Variants in DYNC2H1 observed in about 807,000 individuals in gnomAD.
The protein encoded by DYNC2H1 is cytoplasmic dynein 2 heavy chain 1.
In DYNC2H1, 410 loss-of-function variants were observed where a neutral mutation model predicts 570.0. The ratio of observed to expected loss-of-function variants is 0.72; its 90% CI spans 0.66 to 0.78. The LOEUF (loss-of-function observed/expected upper bound fraction) is 0.78. Among genes scored for constraint, DYNC2H1 ranks in the 30% least tolerant of loss-of-function variants. The pLI is 0.00. For synonymous variants in DYNC2H1, 1,688 were observed against 1,677.6 expected, an observed-to-expected ratio of 1.01 and a Z score of -0.15; for missense variants, 4,865 against 5,046.4, an observed-to-expected ratio of 0.96 and a Z score of 1.09.
rs1865579017 is a variant in DYNC2H1, at chr11:103,268,145, T to C, written c.10695+8168T>C. On this transcript the variant is annotated intron_variant, in intron 70 of 88. Transcript: ENST00000375735. The surrounding 1 kb of genome is among the most constrained non-coding windows in gnomAD (Gnocchi z 4.6). ...GGTCCAAGGATTGCTTTATAAATCT[T>C]ATTGAATATTAGCAGATTGCTTTCT... Among the ~76,000 whole-genome samples, 1 of 152,074 alleles carries C rather than the reference T, an allele frequency of 6.6e-6. No individual in the cohort carries two copies. Among genetic ancestry groups the C allele is most frequent in the Non-Finnish European group, 1.5e-5 (1 of 67,936 alleles).
chr11:103,293,255 G>T (rs1021583276), intron 75 of DYNC2H1, among the ~76,000 whole-genome samples: 14 of 152,092 alleles, frequency 9.2e-5, no homozygotes, highest in Middle Eastern at 3.4e-3. Context: ...CTCCCTCATG[G>T]CATGTGAGGG....
At chr11:103,388,572 G>A (rs756224473) in intron 83 of DYNC2H1, among the ~76,000 whole-genome samples, 1 of 152,164 alleles carries the variant, frequency 6.6e-6, no homozygotes, top group Non-Finnish European at 1.5e-5. Context: ...GGGCATCCCT[G>A]TCTTGTGCCA....
intron 65 of DYNC2H1, among the ~76,000 whole-genome samples, chr11:103,248,137 A>G (rs1864689284): frequency 6.6e-6 from 1 of 152,064 alleles, no homozygotes; most frequent in South Asian, 2.1e-4. Flanking sequence ...CAGTTGGTCT[A>G]TAATGGGCTG....
Position 103,201,583 on chromosome 11 carries a change from A to G in DYNC2H1, c.8197+1429A>G, listed in dbSNP as rs1862721694. On this transcript the variant is annotated intron_variant, in intron 50 of 88. Coordinates refer to ENST00000375735, the MANE Select transcript of DYNC2H1 (RefSeq NM_001377.3). This position sits in a 1 kb window ranked among gnomAD's most constrained non-coding sequence, Gnocchi z 4.8. ...ATCTCTGGGGTATGGTGGGAGTATC[A>G]TTTGGCTATTGTGACTCCCTAATTG... Among the ~76,000 whole-genome samples, 1 of 152,110 alleles carries G rather than the reference A, an allele frequency of 6.6e-6. No homozygotes were observed.
At position 103,479,264 on chromosome 11, in the gene DYNC2H1, C is replaced by T. The variant is rs780479762; in HGVS notation, c.*11C>T. ...CTAAAAAATCAGTAGAATCTAATGACAACAAAAGCCATCTTCACAAAAGGG... is the reference window on the plus strand; with the variant it reads ...CTAAAAAATCAGTAGAATCTAATGATAACAAAAGCCATCTTCACAAAAGGG... On this transcript the variant is annotated 3_prime_UTR_variant, in exon 89 of 89. Transcript: ENST00000375735. 4 of 1,601,756 alleles carry T rather than the reference C, an allele frequency of 2.5e-6. No individual in the cohort carries two copies. The African/African-American group carries it at 5.4e-5, about 21-fold the overall frequency.
At chr11:103,464,903 A>G (rs1164531046) in intron 87 of DYNC2H1, among the ~76,000 whole-genome samples, 3 of 152,204 alleles carry the variant, frequency 2.0e-5, no homozygotes, top group African/African-American at 4.8e-5. Context: ...TTAGTGTGTA[A>G]TTTAACTTAA....
chr11:103,414,853 G>T (rs3018426), intron 84 of DYNC2H1, among the ~76,000 whole-genome samples: 91,917 of 151,928 alleles, frequency 0.61, 29,811 homozygotes, highest in African/African-American at 0.86. Context: ...CAAGAAGAAC[G>T]ATAAAACCAC....
chr11:103,114,184 C>A lies in DYNC2H1; in HGVS notation c.448C>A (p.Arg150=). 6.2e-7 allele frequency: 1 copy of A among 1,603,598 alleles called. No homozygotes were observed. The highest frequency in any genetic ancestry group is 8.5e-7 in the Non-Finnish European group (1 of 1,174,374). ...ELEAGLGIVL[R]RSDTNLTKLK... ...AGAAGCTGGGTTGGGTATAGTTCTA[C>A]GAAGATCAGACACTAACTTAACAAA... is the stretch of plus-strand genomic sequence containing the variant. The change falls in exon 3 of 89, where the codon CGA becomes AGA. Residue 150 remains arginine, a synonymous_variant. Coordinates refer to ENST00000375735, the MANE Select transcript of DYNC2H1 (RefSeq NM_001377.3).
rs2135185014 is a variant in DYNC2H1 at position 103,231,426 on chromosome 11, C to A, written c.9440+80C>A. On this transcript the variant is annotated intron_variant, in intron 60 of 88. Transcript: ENST00000375735. Reference sequence around the variant, plus strand: ...CATCTTGATTTCTTTCTTGTTTTGACTTTTAAGATTTAGACTCTTATGTCA... The same window carrying A: ...CATCTTGATTTCTTTCTTGTTTTGAATTTTAAGATTTAGACTCTTATGTCA... 3.1e-6 allele frequency: 3 copies of A among 954,550 alleles called. No individual in the cohort carries two copies. In the East Asian group the frequency reaches 8.2e-5, roughly 26 times the overall value. 59.1% of individuals were successfully genotyped at this position (954,550 alleles called of 1,614,324 possible). A position where few individuals can be genotyped will look rare whatever the true frequency, so the allele number is the denominator to read the frequency against.
At position 103,199,653 on chromosome 11, in the gene DYNC2H1, G is replaced by T. The variant is rs1204033013; in HGVS notation, c.8088+177G>T. The stretch of plus-strand genomic sequence containing the variant: ...TTTTAATTTAGATTATTTTTTCCAT[G>T]ATTATTAGAAAATTACATTTTTATC... On this transcript the variant is annotated intron_variant, in intron 49 of 88. Transcript: ENST00000375735. The surrounding 1 kb of genome is among the most constrained non-coding windows in gnomAD (Gnocchi z 4.6). Among the ~76,000 whole-genome samples the T allele has an allele frequency of 1.3e-5, 2 of 151,998 alleles. No homozygotes were observed. Among genetic ancestry groups the T allele is most frequent in the African/African-American group, 2.4e-5 (1 of 41,394 alleles).
At chr11:103,263,586 C>T (rs964163801) in intron 70 of DYNC2H1, among the ~76,000 whole-genome samples, 2 of 152,110 alleles carry the variant, frequency 1.3e-5, no homozygotes, top group Admixed American at 6.5e-5. Context: ...TACATGGAAA[C>T]TGAACAACCT....
In DYNC2H1 at chr11:103,260,026, T is replaced by C. The variant is rs1353372687; in HGVS notation, c.10695+49T>C. On this transcript the variant is annotated intron_variant, in intron 70 of 88. Coordinates refer to ENST00000375735, the MANE Select transcript of DYNC2H1 (RefSeq NM_001377.3). Reference sequence around the variant, plus strand: ...ATATAAAATACTACTTGTTCTGTGATTTAACGTAATATTTATAGTTATAGT... The same window carrying C: ...ATATAAAATACTACTTGTTCTGTGACTTAACGTAATATTTATAGTTATAGT... The C allele has an allele frequency of 3.1e-6, 3 of 976,466 alleles. No individual in the cohort carries two copies. The African/African-American group carries it at 5.4e-5, about 18-fold the overall frequency. 60.5% of individuals were successfully genotyped at this position (976,466 alleles called of 1,614,324 possible). A position where few individuals can be genotyped will look rare whatever the true frequency, so the allele number is the denominator to read the frequency against.
intron 55 of DYNC2H1, among the ~76,000 whole-genome samples, chr11:103,218,037 G>A (rs1388847592): frequency 6.6e-6 from 1 of 152,142 alleles, no homozygotes; most frequent in Non-Finnish European, 1.5e-5. Context: ...CCACTAGAAT[G>A]GGTAAAATAA....
intron 65 of DYNC2H1, among the ~76,000 whole-genome samples, chr11:103,248,331 T>C (rs1864701555): frequency 6.6e-6 from 1 of 152,054 alleles, no homozygotes; most frequent in Admixed American, 6.6e-5. Flanking sequence ...TTTGGACCTA[T>C]ATGGAGGTTC....
At chr11:103,144,903 CAG>C (rs1860157915) in intron 18 of DYNC2H1, among the ~76,000 whole-genome samples, 1 of 150,492 alleles carries the variant, frequency 6.6e-6, no homozygotes, top group Non-Finnish European at 1.5e-5. Context: ...TTTTTTGAGA[CAG>C]AGTCTTGCTG....
At chr11:103,251,825 T>C (rs1167793996) in intron 65 of DYNC2H1, among the ~76,000 whole-genome samples, 2 of 152,214 alleles carry the variant, frequency 1.3e-5, no homozygotes, top group East Asian at 1.9e-4. Flanking sequence ...GGTTTATACA[T>C]GTTATGGCAA....
At position 103,143,353 on chromosome 11, in the gene DYNC2H1, AAGCATTAAAAATAAAGGGG is replaced by A; in HGVS notation, c.2662_2680del (p.Ala888LysfsTer3). The A allele has an allele frequency of 6.2e-7, 1 of 1,612,814 alleles. No individual in the cohort carries two copies. The highest frequency in any genetic ancestry group is 8.5e-7 in the Non-Finnish European group (1 of 1,179,488). Reference sequence around the variant, plus strand: ...GTACATGATTGGGAGAAAAATTTTAAAGCATTAAAAATAAAGGGGAAAGAAGTAGAACGACTTCCAAGGT... The same window carrying A: ...GTACATGATTGGGAGAAAAATTTTAAAAAGAAGTAGAACGACTTCCAAGGT... On this transcript the variant is annotated frameshift_variant, in exon 18 of 89. Coordinates refer to ENST00000375735, the MANE Select transcript of DYNC2H1 (RefSeq NM_001377.3). LOFTEE classifies it high-confidence loss of function.
chr11:103,324,270 G>A lies in DYNC2H1; in HGVS notation c.12039+280G>A, dbSNP rs540580959. 1.2e-4 allele frequency among the ~76,000 whole-genome samples: 19 copies of A among 152,104 alleles called. No individual in the cohort carries two copies. Among genetic ancestry groups the A allele is most frequent in the Non-Finnish European group, 2.5e-4 (17 of 67,990 alleles). On this transcript the variant is annotated intron_variant, in intron 82 of 88. Transcript: ENST00000375735. This position sits in a 1 kb window ranked among gnomAD's most constrained non-coding sequence, Gnocchi z 5.2. The stretch of plus-strand genomic sequence containing the variant: ...TTTGGTGTACAGATTATTTTATCAC[G>A]TAGGTAATAAGTATAGTGCCCAACA...
chr11:103,200,076 C>T lies in DYNC2H1; in HGVS notation c.8119C>T (p.Gln2707Ter). The T allele has an allele frequency of 6.3e-7, 1 of 1,588,880 alleles. No homozygotes were observed. The highest frequency in any genetic ancestry group is 1.7e-5 in the Admixed American group (1 of 57,598). Reference sequence around the variant, plus strand: ...GCAACTTGCAGGAATTGAAGCACAACAGGTAGTTTTACTTCTTGAGGATTA... The same window carrying T: ...GCAACTTGCAGGAATTGAAGCACAATAGGTAGTTTTACTTCTTGAGGATTA... ...VLQLAGIEAQ[Q>*]VVLLLEDYQF... is the part of the protein sequence containing the mutation. Residue 2707 changes from glutamine to a stop codon, truncating the protein, a stop_gained, in exon 50 of 89, where the codon CAG becomes TAG. Coordinates refer to ENST00000375735, the MANE Select transcript of DYNC2H1 (RefSeq NM_001377.3). LOFTEE classifies it high-confidence loss of function.
Sources: gnomAD v4.1 joint callset for allele counts (sites outside exome capture counted in the v4.1 genomes callset) on GRCh38, gnomAD v4.1.1 for gene constraint, Gnocchi (gnomAD v3.1) non-coding constraint, MANE v1.5 for transcripts, NCBI Gene and HGNC (gene_info 2026-07-23, HGNC 2026-07-21) for gene names.